RPGRIP1: variants seen among roughly 807,000 people sequenced by gnomAD.
RPGRIP1 encodes RPGR interacting protein 1, also known as X-linked retinitis pigmentosa GTPase regulator-interacting protein 1.
RPGRIP1 carries 128 observed loss-of-function variants against 157.9 expected under a neutral mutation model. The ratio of observed to expected loss-of-function variants is 0.81; its 90% confidence interval spans 0.70 to 0.94. RPGRIP1 has a LOEUF of 0.94. RPGRIP1 is among the 40% of genes least tolerant of loss of function. The pLI is 0.00. For missense variants in RPGRIP1, 1,486 were observed against 1,545.8 expected (o/e 0.96, Z 0.65); for synonymous variants, 554 against 571.6 (o/e 0.97, Z 0.44).
chr14:21,280,736 G>C (rs968440239), intron 1 of RPGRIP1, among the ~76,000 whole-genome samples: 1 of 150,774 alleles, frequency 6.6e-6, no homozygotes, highest in Admixed American at 6.7e-5. Context: ...TCCTTCCCTA[G>C]TTCAAGACTT....
chr14:21,319,508 C>T (rs1220234560), intron 11 of RPGRIP1, among the ~76,000 whole-genome samples: 2 of 152,030 alleles, frequency 1.3e-5, no homozygotes, highest in Non-Finnish European at 2.9e-5. Flanking sequence ...TTGCAGGGAG[C>T]CAAGATCGCA....
At chr14:21,333,424 A>G (rs971561889) in intron 20 of RPGRIP1, among the ~76,000 whole-genome samples, 2 of 152,228 alleles carry the variant, frequency 1.3e-5, no homozygotes, top group African/African-American at 4.8e-5. Context: ...GAAATTTTAC[A>G]GAAGAGGCAC....
chr14:21,311,545 C>CAATA (rs35635981), intron 8 of RPGRIP1, among the ~76,000 whole-genome samples: 45 of 150,602 alleles, frequency 3.0e-4, no homozygotes, highest in East Asian at 2.2e-3. Flanking sequence ...GAGACTGTCT[C>CAATA]AATAAATAAA....
At chr14:21,287,803 C>T (rs574388701) in intron 1 of RPGRIP1, 136 bp from the exon 2 acceptor site, 156 of 513,026 alleles carry the variant, frequency 3.0e-4, no homozygotes, top group Non-Finnish European at 4.9e-4. Context: ...GAGTTGTCCA[C>T]ACTACCATGA....
In RPGRIP1 at chr14:21,325,931, A is replaced by T. The variant is rs751521888; in HGVS notation, c.2468A>T (p.Tyr823Phe). The T allele has an allele frequency of 3.1e-6, 5 of 1,613,982 alleles. No individual in the cohort carries two copies. The highest frequency in any genetic ancestry group is 4.2e-6 in the Non-Finnish European group (5 of 1,179,874). ...TGGCTGGGAACTCAACCCAGTCCATATGCTGTGTACCGCTTCTTCACCTTT... is the reference window on the plus strand; with the variant it reads ...TGGCTGGGAACTCAACCCAGTCCATTTGCTGTGTACCGCTTCTTCACCTTT... Reference protein sequence around the residue: ...SRWLGTQPSPYAVYRFFTFSD... With the variant: ...SRWLGTQPSPFAVYRFFTFSD... The change falls in exon 17 of 25, where the codon TAT (tyrosine) becomes TTT (phenylalanine). Residue 823 changes from tyrosine to phenylalanine, a missense_variant. By Grantham distance (22) the Tyr-to-Phe change is conservative. Coordinates refer to ENST00000400017, the MANE Select transcript of RPGRIP1 (RefSeq NM_020366.4).
chr14:21,296,029 A>G (rs1460705481), intron 3 of RPGRIP1, among the ~76,000 whole-genome samples: 3 of 149,808 alleles, frequency 2.0e-5, no homozygotes, highest in Non-Finnish European at 4.4e-5. Flanking sequence ...TCCACCTCCC[A>G]GGTTCAAGCA....
rs111310530 is a variant in RPGRIP1 at position 21,343,536 on chromosome 14, G to A, written c.3532+308G>A. On this transcript the variant is annotated intron_variant, in intron 22 of 24. Coordinates refer to ENST00000400017, the MANE Select transcript of RPGRIP1 (RefSeq NM_020366.4). ...GGTGGAGTCTCGCTCTGTTGCCCAG[G>A]CTAGAATGCAGTGGTGTGATCTTGG... is the stretch of plus-strand genomic sequence containing the variant. Among the ~76,000 whole-genome samples, 967 of 152,164 alleles carry A rather than the reference G, an allele frequency of 6.4e-3. 13 individuals carry two copies. The highest frequency in any genetic ancestry group is 0.022 in the African/African-American group (929 of 41,484).
chr14:21,341,735 C>T (rs1885016388), intron 21 of RPGRIP1, among the ~76,000 whole-genome samples: 1 of 152,092 alleles, frequency 6.6e-6, no homozygotes. Flanking sequence ...AGGGTGATGG[C>T]AGCGACTGTG....
Position 21,298,555 on chromosome 14 carries a change from G to A in RPGRIP1, c.219-2411G>A, listed in dbSNP as rs562187091. ...ACAGACTAGCTTCAAACAACACTGA[G>A]GACCAGTTGTGTCAGACCAGTTTCC... On this transcript the variant is annotated intron_variant, in intron 3 of 24. Transcript: ENST00000400017. Among the ~76,000 whole-genome samples the A allele has an allele frequency of 1.2e-4, 19 of 152,028 alleles. No individual in the cohort carries two copies. In the South Asian group the frequency reaches 3.9e-3, roughly 32 times the overall value.
intron 2 of RPGRIP1, among the ~76,000 whole-genome samples, chr14:21,288,776 C>T (rs558687698): frequency 1.3e-4 from 19 of 151,712 alleles, no homozygotes; most frequent in African/African-American, 3.1e-4. Flanking sequence ...GGTCTCCCAA[C>T]GTGCTGGATT....
chr14:21,283,208 C>CA (rs1434887301), intron 1 of RPGRIP1, among the ~76,000 whole-genome samples: 2 of 152,178 alleles, frequency 1.3e-5, no homozygotes, highest in Non-Finnish European at 2.9e-5. Flanking sequence ...ATGATGCAGT[C>CA]ACCTTTCCTT....
intron 19 of RPGRIP1, among the ~76,000 whole-genome samples, chr14:21,329,340 G>A (rs1282015124): frequency 5.3e-5 from 8 of 151,494 alleles, no homozygotes; most frequent in Non-Finnish European, 1.0e-4. Context: ...AATAAGATAA[G>A]CCATAATCAT....
chr14:21,290,750 C>A (rs1406431834), intron 2 of RPGRIP1, among the ~76,000 whole-genome samples: 1 of 150,246 alleles, frequency 6.7e-6, no homozygotes. Flanking sequence ...ACCCGGGAGG[C>A]GGTGCTTGCA....
At position 21,343,217 on chromosome 14, in the gene RPGRIP1, A is replaced by C. The variant is rs2139338042; in HGVS notation, c.3521A>C (p.His1174Pro). 4 of 1,612,480 alleles carry C rather than the reference A, an allele frequency of 2.5e-6. No individual in the cohort carries two copies. Among genetic ancestry groups the C allele is most frequent in the South Asian group, 1.1e-5 (1 of 90,748 alleles). Reference protein sequence around the residue: ...KPRAGEEIHFHFSKVIDLDPQ... With the variant: ...KPRAGEEIHFPFSKVIDLDPQ... ...AGGGCAGGAGAAGAAATCCACTTTCACTTTAGCAAGGGTGAGGCATCCTGT... is the reference window on the plus strand; with the variant it reads ...AGGGCAGGAGAAGAAATCCACTTTCCCTTTAGCAAGGGTGAGGCATCCTGT... Residue 1174 changes from histidine to proline, a missense_variant, in exon 22 of 25, where the codon CAC becomes CCC. By Grantham distance (77) the His-to-Pro change is moderately conservative. Transcript: ENST00000400017.
rs890656280 is a variant in RPGRIP1 at position 21,303,494 on chromosome 14, T to G, written c.751T>G (p.Phe251Val). Residue 251 changes from phenylalanine (F) to valine (V), a missense_variant, in exon 6 of 25, where the codon TTT becomes GTT. Coordinates refer to ENST00000400017, the MANE Select transcript of RPGRIP1 (RefSeq NM_020366.4). ...GAAAATGTGGCCTAAAGATGAAAAT[T>G]TTGAACAGAGAAGCTCATTGGAGTG... ...PEKMWPKDEN[F>V]EQRSSLECAQ... 1 of 1,613,864 alleles carries G rather than the reference T, an allele frequency of 6.2e-7. No homozygotes were observed. The highest frequency in any genetic ancestry group is 8.5e-7 in the Non-Finnish European group (1 of 1,179,866).
chr14:21,314,478 A>C (rs1203120071), intron 10 of RPGRIP1, among the ~76,000 whole-genome samples: 4 of 151,564 alleles, frequency 2.6e-5, no homozygotes, highest in African/African-American at 9.7e-5. Flanking sequence ...GTGGCCTGGC[A>C]TGGTGGCTCA....
chr14:21,339,228 A>G (rs987324549), intron 21 of RPGRIP1, among the ~76,000 whole-genome samples: 1 of 151,908 alleles, frequency 6.6e-6, no homozygotes, highest in Non-Finnish European at 1.5e-5. Flanking sequence ...TGGGCTGATC[A>G]TGAGGTCAGG....
chr14:21,348,059 G>A, intron 23 of RPGRIP1, 113 bp from the exon 24 acceptor site: 1 of 915,768 alleles, frequency 1.1e-6, no homozygotes, highest in Non-Finnish European at 1.5e-6. Flanking sequence ...TGGAGGCAAG[G>A]GAAAAGTGAT....
intron 21 of RPGRIP1, among the ~76,000 whole-genome samples, chr14:21,339,288 A>G (rs1884735192): frequency 2.0e-5 from 3 of 151,966 alleles, no homozygotes; most frequent in South Asian, 4.2e-4. Flanking sequence ...TCTACTAAAA[A>G]TACAAAAATT....
Sources: gnomAD v4.1 joint callset for allele counts (sites outside exome capture counted in the v4.1 genomes callset) on GRCh38, gnomAD v4.1.1 for gene constraint, MANE v1.5 for transcripts, NCBI Gene and HGNC (gene_info 2026-07-23, HGNC 2026-07-21) for gene names.